The following DCAF1 variants were observed in gnomAD, a reference collection of about 807,000 sequenced individuals.
DCAF1 encodes the protein DDB1 and CUL4 associated factor 1, also known as DDB1- and CUL4-associated factor 1.
Under a neutral mutation model 128.0 loss-of-function variants are expected in DCAF1, and 15 were observed. The ratio of observed to expected loss-of-function variants is 0.12; its 90% confidence interval spans 0.08 to 0.18. The LOEUF (loss-of-function observed/expected upper bound fraction) is 0.18, where lower values mean the gene tolerates loss of function less well. Ranked by LOEUF, DCAF1 falls within the 10% of genes least tolerant of loss-of-function variation. DCAF1 has a pLI of 1.00. For missense variants in DCAF1, 988 were observed against 1,649.5 expected (o/e 0.60, Z 6.95); for synonymous variants, 610 against 603.0 (o/e 1.01, Z -0.17).
At chr3:51,418,602 G>A in intron 16 of DCAF1, 76 bp downstream of exon 16, 1 of 1,524,614 alleles carries the variant, frequency 6.6e-7, no homozygotes, top group South Asian at 1.3e-5. Context: ...CTCAATAAAG[G>A]GTAAGCCTCC....
chr3:51,468,556 T>TA (rs1704383417), intron 4 of DCAF1, among the ~76,000 whole-genome samples: 1 of 152,178 alleles, frequency 6.6e-6, no homozygotes, highest in Admixed American at 6.6e-5. Context: ...AGTCAAAACA[T>TA]ACAATAGAGA....
At chr3:51,485,809 C>T (rs1553655133) in intron 2 of DCAF1, among the ~76,000 whole-genome samples, 1 of 152,078 alleles carries the variant, frequency 6.6e-6, no homozygotes, top group Non-Finnish European at 1.5e-5. Context: ...TGATTCATGT[C>T]ACCTGGATTA....
intron 3 of DCAF1, among the ~76,000 whole-genome samples, chr3:51,473,916 G>A (rs536133939): frequency 1.9e-4 from 29 of 151,244 alleles, no homozygotes; most frequent in Non-Finnish European, 1.5e-5. Flanking sequence ...CGATTCTCCT[G>A]CCTCAGCCTC....
chr3:51,428,937 T>C (rs1435199059), intron 12 of DCAF1, among the ~76,000 whole-genome samples: 3 of 152,088 alleles, frequency 2.0e-5, no homozygotes, highest in Admixed American at 2.0e-4. Flanking sequence ...AGGTTAATGT[T>C]GCAATGAGGT....
chr3:51,478,677 C>T (rs766828310), intron 3 of DCAF1, among the ~76,000 whole-genome samples: 5 of 151,890 alleles, frequency 3.3e-5, no homozygotes, highest in Non-Finnish European at 5.9e-5. Context: ...TTAATTAAGA[C>T]GGGGTCTTAC....
chr3:51,442,484 G>A (rs1553639106), intron 7 of DCAF1, among the ~76,000 whole-genome samples: 1 of 152,106 alleles, frequency 6.6e-6, no homozygotes, highest in East Asian at 1.9e-4. Context: ...AATCACCTGA[G>A]ATCAGGAGTT....
chr3:51,436,845 A>G (rs915688784), intron 9 of DCAF1, among the ~76,000 whole-genome samples: 11 of 152,152 alleles, frequency 7.2e-5, no homozygotes, highest in Admixed American at 1.3e-4. Context: ...AGCATAATAG[A>G]TTTTCTGGCT....
intron 13 of DCAF1, among the ~76,000 whole-genome samples, chr3:51,425,067 T>C (rs1553633770): frequency 6.6e-6 from 1 of 152,248 alleles, no homozygotes; most frequent in African/African-American, 2.4e-5. Context: ...TAGTGAATGC[T>C]AAGAGTAATT....
At chr3:51,436,968 A>T (rs1369003223) in intron 9 of DCAF1, among the ~76,000 whole-genome samples, 3 of 152,054 alleles carry the variant, frequency 2.0e-5, no homozygotes, top group Admixed American at 6.6e-5. Context: ...AGTGTCTTTT[A>T]AAAAAAAGAG....
chr3:51,436,535 T>A (rs182281345), intron 9 of DCAF1: 2 of 440,784 alleles, frequency 4.5e-6, no homozygotes, highest in African/African-American at 4.0e-5. Flanking sequence ...TATGCTAGGA[T>A]AGACTGTATA....
intron 6 of DCAF1, among the ~76,000 whole-genome samples, chr3:51,448,070 T>C (rs1702045350): frequency 6.6e-6 from 1 of 152,242 alleles, no homozygotes; most frequent in Admixed American, 6.5e-5. Flanking sequence ...AATGTTTTTT[T>C]ACTCTAGTTG....
chr3:51,480,393 G>A (rs1235479328), intron 3 of DCAF1, among the ~76,000 whole-genome samples: 1 of 151,786 alleles, frequency 6.6e-6, no homozygotes. Context: ...TCAGGAGTTC[G>A]AGACCAGCCT....
At chr3:51,453,637 T>C (rs1442134820) in intron 6 of DCAF1, among the ~76,000 whole-genome samples, 3 of 151,554 alleles carry the variant, frequency 2.0e-5, no homozygotes, top group Admixed American at 6.6e-5. Context: ...TTTAAGAAGA[T>C]TAAAATTTTA....
chr3:51,402,514 C>T (rs1388833654), intron 24 of DCAF1, among the ~76,000 whole-genome samples: 3 of 151,040 alleles, frequency 2.0e-5, no homozygotes, highest in African/African-American at 7.3e-5. Flanking sequence ...TGCTTTCTCA[C>T]TACAACAGCA....
intron 23 of DCAF1, among the ~76,000 whole-genome samples, chr3:51,407,800 T>C (rs531861709): frequency 1.3e-5 from 2 of 151,886 alleles, no homozygotes; most frequent in East Asian, 3.9e-4. Flanking sequence ...TCAGCCTGGC[T>C]AACATGGTGA....
rs1369923865 is a variant in DCAF1, at chr3:51,457,256, AC to A, written c.375+5857del. Among the ~76,000 whole-genome samples, 3 of 152,226 alleles carry A rather than the reference AC, an allele frequency of 2.0e-5. No homozygotes were observed. The East Asian group carries it at 5.8e-4, about 29-fold the overall frequency. ...GCTGAAAACCAAGGCACAGAAAGCTACGTGACGAATGCAGAAGCCTCAGTAG... is the reference window on the plus strand; with the variant it reads ...GCTGAAAACCAAGGCACAGAAAGCTAGTGACGAATGCAGAAGCCTCAGTAG... On this transcript the variant is annotated intron_variant, in intron 6 of 24. Transcript: ENST00000684031.
chr3:51,478,379 C>A (rs1553651468), intron 3 of DCAF1, among the ~76,000 whole-genome samples: 1 of 152,046 alleles, frequency 6.6e-6, no homozygotes, highest in East Asian at 1.9e-4. Flanking sequence ...CTTTGCATGG[C>A]TGAAGAGCAT....
At chr3:51,481,326 T>G (rs782513435) in intron 3 of DCAF1, among the ~76,000 whole-genome samples, 15 of 152,100 alleles carry the variant, frequency 9.9e-5, no homozygotes, top group Non-Finnish European at 1.6e-4. Context: ...GGGGAGGATG[T>G]ATTAAAAGAG....
intron 6 of DCAF1, among the ~76,000 whole-genome samples, chr3:51,457,381 C>T (rs1238092149): frequency 2.0e-5 from 3 of 151,998 alleles, no homozygotes; most frequent in East Asian, 1.9e-4. Context: ...TAAAAAGAAA[C>T]GAACAAAGCC....
Sources: allele counts gnomAD v4.1 joint callset (sites outside exome capture counted in the v4.1 genomes callset), GRCh38; gene constraint gnomAD v4.1.1; transcripts MANE v1.5; gene names NCBI Gene and HGNC (gene_info 2026-07-23, HGNC 2026-07-21).